Variants in HS3ST2 observed in about 807,000 individuals in gnomAD.
HS3ST2 encodes the protein heparan sulfate glucosamine 3-O-sulfotransferase 2.
HS3ST2 carries 17 observed loss-of-function variants against 26.3 expected under a neutral mutation model. That is an observed-to-expected ratio of 0.65 (90% CI 0.44 to 0.97). The LOEUF is 0.97. Ranked by LOEUF, HS3ST2 falls within the 50% of genes least tolerant of loss-of-function variation. HS3ST2 has a pLI of 0.00. For missense variants in HS3ST2, 402 were observed against 501.2 expected, an observed-to-expected ratio of 0.80 and a Z score of 1.89; for synonymous variants, 237 against 219.2, an observed-to-expected ratio of 1.08 and a Z score of -0.72.
chr16:22,833,121 T>A (rs1345146715), intron 1 of HS3ST2, among the ~76,000 whole-genome samples: 4 of 152,196 alleles, frequency 2.6e-5, no homozygotes, highest in Non-Finnish European at 5.9e-5. Context: ...ATGGTGTTGA[T>A]CTGGAATTGG....
chr16:22,841,501 C>A (rs1196157214), intron 1 of HS3ST2, among the ~76,000 whole-genome samples: 1 of 152,184 alleles, frequency 6.6e-6, no homozygotes, highest in Non-Finnish European at 1.5e-5. Context: ...AGTGGTTATT[C>A]TTACAGTGTT....
At chr16:22,862,275 C>CTTTT (rs397855284) in intron 1 of HS3ST2, among the ~76,000 whole-genome samples, 1 of 123,252 alleles carries the variant, frequency 8.1e-6, no homozygotes, top group African/African-American at 3.1e-5. Context: ...TTCTCCTCAG[C>CTTTT]TTTTTTTTTT....
At position 22,910,258 on chromosome 16, in the gene HS3ST2, T is replaced by C. The variant is rs188644136; in HGVS notation, c.486-4686T>C. Reference sequence around the variant, plus strand: ...CTGTCCTCAATTCCTTTCTTGGATATTCTTTAGTGTATTGAAGGATATTGC... The same window carrying C: ...CTGTCCTCAATTCCTTTCTTGGATACTCTTTAGTGTATTGAAGGATATTGC... On this transcript the variant is annotated intron_variant, in intron 1 of 1. Transcript: ENST00000261374. 5.8e-3 allele frequency among the ~76,000 whole-genome samples: 882 copies of C among 152,310 alleles called. 26 individuals carry two copies. The highest frequency in any genetic ancestry group is 0.054 in the Admixed American group (822 of 15,306).
At chr16:22,842,154 T>G (rs1270009924) in intron 1 of HS3ST2, among the ~76,000 whole-genome samples, 1 of 149,978 alleles carries the variant, frequency 6.7e-6, no homozygotes, top group Non-Finnish European at 1.5e-5. Flanking sequence ...CTCCACCTCC[T>G]GGGTCCAAGT....
chr16:22,903,040 T>A (rs955433829), intron 1 of HS3ST2, among the ~76,000 whole-genome samples: 8 of 152,242 alleles, frequency 5.3e-5, no homozygotes, highest in Non-Finnish European at 2.9e-5. Context: ...TATTTTTCTA[T>A]TCCAGGGACT....
chr16:22,887,835 G>C (rs549122377), intron 1 of HS3ST2, among the ~76,000 whole-genome samples: 1 of 151,420 alleles, frequency 6.6e-6, no homozygotes, highest in East Asian at 1.9e-4. Context: ...TACAGTCCCA[G>C]CTACTCGGGA....
At chr16:22,844,724 G>A (rs897696559) in intron 1 of HS3ST2, among the ~76,000 whole-genome samples, 12 of 152,198 alleles carry the variant, frequency 7.9e-5, no homozygotes, top group Admixed American at 5.2e-4. Flanking sequence ...CATGTAAGAC[G>A]TGCTTGCTTC....
intron 1 of HS3ST2, among the ~76,000 whole-genome samples, chr16:22,889,631 G>A (rs1286274113): frequency 6.6e-6 from 1 of 152,180 alleles, no homozygotes; most frequent in Non-Finnish European, 1.5e-5. Flanking sequence ...AAGCATTTTG[G>A]ATAAGGGATA....
chr16:22,905,623 C>T lies in HS3ST2; in HGVS notation c.486-9321C>T, dbSNP rs185313674. ...TTCTCTTCTGCAAGTATTTTCTGAA[C>T]GCTTACTAAGTACCAGCCTTTGTCC... On this transcript the variant is annotated intron_variant, in intron 1 of 1. Transcript: ENST00000261374. Among the ~76,000 whole-genome samples, 215 of 152,130 alleles carry T rather than the reference C, an allele frequency of 1.4e-3. 1 individual carries two copies. Among genetic ancestry groups the T allele is most frequent in the African/African-American group, 4.9e-3 (203 of 41,480 alleles).
chr16:22,865,381 C>T (rs188989766), intron 1 of HS3ST2, among the ~76,000 whole-genome samples: 24 of 151,902 alleles, frequency 1.6e-4, no homozygotes, highest in Admixed American at 5.9e-4. Flanking sequence ...GGTGAAGCCC[C>T]GTCTCTACTA....
chr16:22,824,061 C>A (rs1901043679), intron 1 of HS3ST2, among the ~76,000 whole-genome samples: 1 of 152,226 alleles, frequency 6.6e-6, no homozygotes. Context: ...TGTCACGTAT[C>A]TGTAGACGTC....
chr16:22,896,142 T>C (rs956685007), intron 1 of HS3ST2, among the ~76,000 whole-genome samples: 2 of 152,176 alleles, frequency 1.3e-5, no homozygotes, highest in African/African-American at 4.8e-5. Context: ...ATGTTGACAT[T>C]AGAAGCTACA....
chr16:22,849,273 A>G (rs1901487354), intron 1 of HS3ST2, among the ~76,000 whole-genome samples: 1 of 152,098 alleles, frequency 6.6e-6, no homozygotes. Flanking sequence ...GTATGTACTT[A>G]CCTCTTTAAA....
chr16:22,891,472 C>T (rs1260177999), intron 1 of HS3ST2, among the ~76,000 whole-genome samples: 1 of 115,952 alleles, frequency 8.6e-6, no homozygotes, highest in Non-Finnish European at 1.9e-5. Context: ...GTACGATCTT[C>T]ATTTGAAAAA....
chr16:22,904,706 T>C (rs1385491981), intron 1 of HS3ST2, among the ~76,000 whole-genome samples: 1 of 152,194 alleles, frequency 6.6e-6, no homozygotes, highest in African/African-American at 2.4e-5. Context: ...AATAATCTAG[T>C]CTAGCCAGAG....
intron 1 of HS3ST2, among the ~76,000 whole-genome samples, chr16:22,911,771 C>G (rs569824040): frequency 7.6e-4 from 115 of 152,300 alleles, no homozygotes; most frequent in African/African-American, 2.7e-3. Flanking sequence ...ATCTCATATG[C>G]AAGTCCTTAA....
At chr16:22,884,587 G>A (rs1055509089) in intron 1 of HS3ST2, among the ~76,000 whole-genome samples, 3 of 150,800 alleles carry the variant, frequency 2.0e-5, no homozygotes, top group Non-Finnish European at 3.0e-5. Flanking sequence ...CCTTTGCTTT[G>A]CCACCTTTGA....
At position 22,814,974 on chromosome 16, in the gene HS3ST2, G is replaced by A; in HGVS notation, c.364G>A (p.Val122Met). The A allele has an allele frequency of 6.2e-7, 1 of 1,612,746 alleles. No homozygotes were observed. The highest frequency in any genetic ancestry group is 8.5e-7 in the Non-Finnish European group (1 of 1,179,856). ...GTTGCCCCAAGCCCTCATTGTGGGC[G>A]TGAAGAAGGGGGGCACCCGGGCCGT... ...KRLPQALIVG[V>M]KKGGTRAVLE... Residue 122 changes from valine (V) to methionine (M), a missense_variant, in exon 1 of 2, where the codon GTG becomes ATG. Physicochemically the swap from Val to Met is conservative, Grantham distance 21. Coordinates refer to ENST00000261374, the MANE Select transcript of HS3ST2 (RefSeq NM_006043.2).
chr16:22,892,164 CCTA>C (rs1371170847), intron 1 of HS3ST2, among the ~76,000 whole-genome samples: 1 of 150,340 alleles, frequency 6.7e-6, no homozygotes, highest in Non-Finnish European at 1.5e-5. Context: ...GTGGCAGGTG[CCTA>C]TAGTCCCAGC....
Sources: gnomAD v4.1 joint callset for allele counts (sites outside exome capture counted in the v4.1 genomes callset) on GRCh38, gnomAD v4.1.1 for gene constraint, MANE v1.5 for transcripts, NCBI Gene and HGNC (gene_info 2026-07-23, HGNC 2026-07-21) for gene names.